The following LMLN variants were observed in gnomAD, a reference collection of about 807,000 sequenced individuals.
LMLN encodes leishmanolysin like peptidase, also known as leishmanolysin-like peptidase.
Under a neutral mutation model 92.3 loss-of-function variants are expected in LMLN, and 70 were observed. The observed-to-expected ratio is 0.76, with a 90% confidence interval of 0.63 to 0.92. The LOEUF is 0.92. Among genes scored for constraint, LMLN ranks in the 40% least tolerant of loss-of-function variants. The pLI is 0.00. For synonymous variants in LMLN, 308 were observed against 296.2 expected (o/e 1.04, Z -0.41); for missense variants, 691 against 814.6 (o/e 0.85, Z 1.85).
At chr3:197,972,702 ATT>A (rs879501292) in intron 1 of LMLN, among the ~76,000 whole-genome samples, 2 of 146,264 alleles carry the variant, frequency 1.4e-5, no homozygotes, top group Admixed American at 6.9e-5. Flanking sequence ...TCTCTGAATA[ATT>A]TTTTTTTTTT....
intron 11 of LMLN, among the ~76,000 whole-genome samples, chr3:198,015,301 C>T (rs1393147530): frequency 8.9e-5 from 5 of 55,892 alleles, no homozygotes; most frequent in Non-Finnish European, 1.9e-4. Context: ...CCTAACTAGT[C>T]TGACTTCTCT....
intron 11 of LMLN, among the ~76,000 whole-genome samples, chr3:198,017,825 G>A (rs574406292): frequency 2.0e-5 from 3 of 152,270 alleles, no homozygotes; most frequent in East Asian, 3.9e-4. Flanking sequence ...GCTGAGGGAG[G>A]AGAATTGCTT....
exon 16 of LMLN, chr3:198,039,003 T>C: frequency 3.9e-6 from 1 of 257,334 alleles, no homozygotes; most frequent in Non-Finnish European, 7.7e-6. Flanking sequence ...CCCAGCCACC[T>C]TCATCAGCAA....
At chr3:197,960,913 G>A (rs1223521292) in intron 1 of LMLN, among the ~76,000 whole-genome samples, 1 of 152,124 alleles carries the variant, frequency 6.6e-6, no homozygotes, top group Non-Finnish European at 1.5e-5. Context: ...AGGCGTTGGT[G>A]GGACGTTGGG....
intron 1 of LMLN, among the ~76,000 whole-genome samples, chr3:197,962,529 A>G (rs1720932602): frequency 6.6e-6 from 1 of 152,188 alleles, no homozygotes; most frequent in Non-Finnish European, 1.5e-5. Flanking sequence ...GGGTAGGTGA[A>G]TGTTTATAAA....
rs142424846 is a variant in LMLN at position 198,029,197 on chromosome 3, C to A, written c.1656+4409C>A. Among the ~76,000 whole-genome samples, 275 of 152,308 alleles carry A rather than the reference C, an allele frequency of 1.8e-3. 3 individuals are homozygous for A. Among genetic ancestry groups the A allele is most frequent in the African/African-American group, 6.5e-3 (270 of 41,558 alleles). On this transcript the variant is annotated intron_variant, in intron 14 of 15. Coordinates refer to ENST00000330198, the Ensembl canonical transcript of LMLN. ...CTTTAGATTACTCTCCTATTGAAAT[C>A]TCTTATATCTATTTTATTTTAGGTT...
In LMLN at chr3:198,019,448, T is replaced by A; in HGVS notation, c.1365+63T>A. On this transcript the variant is annotated intron_variant, in intron 12 of 15. Coordinates refer to ENST00000330198, the Ensembl canonical transcript of LMLN. The surrounding 1 kb of genome is among the most constrained non-coding windows in gnomAD (Gnocchi z 5.5). ...TTTCAAAAGTAGTCTCCATTTTAAC[T>A]AAAAGAGTAAATTCTCTTAAGATTC... The A allele has an allele frequency of 6.8e-7, 1 of 1,469,234 alleles. No individual in the cohort carries two copies. The highest frequency in any genetic ancestry group is 9.2e-7 in the Non-Finnish European group (1 of 1,087,886). The allele number at this position is 1,469,234 out of a possible 1,614,324, so 91.0% of individuals were successfully genotyped here.
chr3:197,969,364 C>G (rs1485398049), intron 1 of LMLN, among the ~76,000 whole-genome samples: 1 of 152,142 alleles, frequency 6.6e-6, no homozygotes, highest in African/African-American at 2.4e-5. Flanking sequence ...TCAGTTTCCT[C>G]TAAATACTCC....
intron 5 of LMLN, among the ~76,000 whole-genome samples, chr3:197,979,708 TGGG>T (rs917116165): frequency 6.6e-6 from 1 of 151,978 alleles, no homozygotes; most frequent in Non-Finnish European, 1.5e-5. Flanking sequence ...CCCAGCTACT[TGGG>T]GGGCTGAGGC....
chr3:198,019,867 A>ATCTTTTT lies in LMLN; in HGVS notation c.1365+484_1365+490dup, dbSNP rs2109934175. On this transcript the variant is annotated intron_variant, in intron 12 of 15. Coordinates refer to ENST00000330198, the Ensembl canonical transcript of LMLN. The surrounding 1 kb of genome is among the most constrained non-coding windows in gnomAD (Gnocchi z 5.5). The stretch of plus-strand genomic sequence containing the variant: ...ACCTTTATGTTTCTTTTTATCTTTT[A>ATCTTTTT]TCTTTTTTTCCGAGACCGAGTCTCA... Among the ~76,000 whole-genome samples the ATCTTTTT allele has an allele frequency of 6.6e-6, 1 of 152,076 alleles. No homozygotes were observed. The highest frequency in any genetic ancestry group is 2.1e-4 in the South Asian group (1 of 4,822).
intron 1 of LMLN, among the ~76,000 whole-genome samples, chr3:197,973,587 C>T (rs899735150): frequency 1.3e-5 from 2 of 151,954 alleles, no homozygotes; most frequent in African/African-American, 4.8e-5. Flanking sequence ...TAATCTGTTA[C>T]CTGGAGATAG....
At chr3:198,034,129 C>A (rs76853071) in intron 14 of LMLN, among the ~76,000 whole-genome samples, 1 of 152,152 alleles carries the variant, frequency 6.6e-6, no homozygotes, top group South Asian at 2.1e-4. Context: ...TCTGGGCAAC[C>A]TTGGGCTATT....
At chr3:197,986,709 G>T (rs1181567429) in intron 8 of LMLN, among the ~76,000 whole-genome samples, 2 of 152,090 alleles carry the variant, frequency 1.3e-5, no homozygotes, top group African/African-American at 4.8e-5. Context: ...CCTCTCTAAG[G>T]CATGGTTAGA....
intron 14 of LMLN, among the ~76,000 whole-genome samples, chr3:198,035,394 C>T (rs1384453864): frequency 1.9e-4 from 26 of 137,342 alleles, no homozygotes; most frequent in African/African-American, 7.0e-4. Context: ...CACGGAGTCT[C>T]GCTCTGTTGG....
chr3:197,963,135 A>T (rs1720951268), intron 1 of LMLN, among the ~76,000 whole-genome samples: 4 of 151,724 alleles, frequency 2.6e-5, no homozygotes, highest in Non-Finnish European at 5.9e-5. Context: ...TATTGAGGTG[A>T]TGCATAATTT....
intron 11 of LMLN, among the ~76,000 whole-genome samples, chr3:198,017,627 A>G (rs1722676043): frequency 6.6e-6 from 1 of 152,150 alleles, no homozygotes; most frequent in African/African-American, 2.4e-5. Context: ...TTTAAAATTT[A>G]GTTCCTCAGG....
chr3:197,976,092 G>A lies in LMLN; in HGVS notation c.412G>A (p.Gly138Ser), dbSNP rs1721371108. The change falls in exon 4 of 16, where the codon GGC (glycine) becomes AGC (serine). Residue 138 changes from glycine to serine, a missense_variant. By Grantham distance (56) the Gly-to-Ser change is moderately conservative. Coordinates refer to ENST00000330198, the Ensembl canonical transcript of LMLN. ...GACTTTTCAGGTCCGTCGACCTGCG[G>A]GCACTATCTTACTTAGCAGGTATGT... is the stretch of plus-strand genomic sequence containing the variant. 8 of 1,605,102 alleles carry A rather than the reference G, an allele frequency of 5.0e-6. No homozygotes were observed. In the East Asian group the frequency reaches 1.6e-4, roughly 31 times the overall value.
chr3:197,999,311 C>T lies in LMLN; in HGVS notation c.1201C>T (p.Arg401Ter), dbSNP rs770407626. Residue 401 changes from arginine to a stop codon, truncating the protein, a stop_gained, in exon 11 of 16, where the codon CGA becomes TGA. Transcript: ENST00000330198. LOFTEE classifies it high-confidence loss of function. ...TCACACTCAGAATCGAGTACTCTCTCGAATCACTCTGGCATTAATGGAGGA... is the reference window on the plus strand; with the variant it reads ...TCACACTCAGAATCGAGTACTCTCTTGAATCACTCTGGCATTAATGGAGGA... 6.2e-6 allele frequency: 10 copies of T among 1,613,160 alleles called. No individual in the cohort carries two copies. Among genetic ancestry groups the T allele is most frequent in the African/African-American group, 4.0e-5 (3 of 74,868 alleles).
intron 11 of LMLN, among the ~76,000 whole-genome samples, chr3:198,012,690 T>G (rs1204481407): frequency 2.0e-5 from 3 of 151,440 alleles, no homozygotes; most frequent in African/African-American, 7.3e-5. Context: ...CTCTGTACCC[T>G]TCAGAGTCCC....
Sources: gnomAD v4.1 joint callset for allele counts (sites outside exome capture counted in the v4.1 genomes callset) on GRCh38, gnomAD v4.1.1 for gene constraint, Gnocchi (gnomAD v3.1) non-coding constraint, MANE v1.5 for transcripts, NCBI Gene and HGNC (gene_info 2026-07-23, HGNC 2026-07-21) for gene names.